The following KHDRBS3 variants were observed in gnomAD, a reference collection of about 807,000 sequenced individuals.
The protein encoded by KHDRBS3 is KH domain-containing, RNA-binding, signal transduction-associated protein 3.
KHDRBS3 carries 23 observed loss-of-function variants against 45.6 expected under a neutral mutation model. That is an observed-to-expected ratio of 0.50 (90% CI 0.36 to 0.72). The LOEUF (loss-of-function observed/expected upper bound fraction) is 0.72, where lower values mean the gene tolerates loss of function less well. KHDRBS3 is among the 30% of genes least tolerant of loss of function. The probability of loss-of-function intolerance (pLI) is 0.00; values close to 1 mark genes in which losing one functional copy is unlikely to be tolerated. For missense variants in KHDRBS3, 352 were observed against 424.8 expected (o/e 0.83, Z 1.51); for synonymous variants, 162 against 156.5 (o/e 1.04, Z -0.26).
At chr8:135,480,858 A>G (rs377227490) in intron 1 of KHDRBS3, among the ~76,000 whole-genome samples, 13 of 152,188 alleles carry the variant, frequency 8.5e-5, no homozygotes, top group East Asian at 3.9e-4. Context: ...ATGTCATCAT[A>G]TTGTTAACTG....
At chr8:135,465,598 T>C (rs374997781) in intron 1 of KHDRBS3, among the ~76,000 whole-genome samples, 13 of 152,344 alleles carry the variant, frequency 8.5e-5, no homozygotes, top group East Asian at 3.9e-4. Context: ...ACACAGCACC[T>C]GAAGCTTAAA....
chr8:135,612,861 A>T (rs1169846022), intron 7 of KHDRBS3, among the ~76,000 whole-genome samples: 1 of 151,864 alleles, frequency 6.6e-6, no homozygotes, highest in Non-Finnish European at 1.5e-5. Context: ...TAAAACTCAC[A>T]CCACATTCCA....
Position 135,548,870 on chromosome 8 carries a change from T to C in KHDRBS3, c.441T>C (p.Ala147=). 6.3e-7 allele frequency: 1 copy of C among 1,595,170 alleles called. No homozygotes were observed. The highest frequency in any genetic ancestry group is 8.5e-7 in the Non-Finnish European group (1 of 1,172,192). ...PAEAYARMGH[A]LEEIKKFLIP... ...AAGCTTATGCCAGGATGGGACATGCTTTGGAAGAAATCAAAAAGTTCCTCA... is the reference window on the plus strand; with the variant it reads ...AAGCTTATGCCAGGATGGGACATGCCTTGGAAGAAATCAAAAAGTTCCTCA... Residue 147 remains alanine (A), a synonymous_variant, in exon 4 of 9, where the codon GCT becomes GCC. Transcript: ENST00000355849.
At position 135,491,185 on chromosome 8, in the gene KHDRBS3, G is replaced by T. The variant is rs1001130287; in HGVS notation, c.89-30052G>T. 3.3e-5 allele frequency among the ~76,000 whole-genome samples: 5 copies of T among 151,980 alleles called. 1 individual carries two copies. The East Asian group carries it at 9.6e-4, about 29-fold the overall frequency. ...CAAATAATTGTGAACTTTGGAGTTGGGTTTTTTTGTATGTGTTTCTATGCC... is the reference window on the plus strand; with the variant it reads ...CAAATAATTGTGAACTTTGGAGTTGTGTTTTTTTGTATGTGTTTCTATGCC... On this transcript the variant is annotated intron_variant, in intron 1 of 8. Coordinates refer to ENST00000355849, the MANE Select transcript of KHDRBS3 (RefSeq NM_006558.3).
intron 5 of KHDRBS3, among the ~76,000 whole-genome samples, chr8:135,566,724 A>C (rs1827436365): frequency 6.6e-6 from 1 of 152,088 alleles, no homozygotes; most frequent in African/African-American, 2.4e-5. Flanking sequence ...AAATCAGCCG[A>C]GTGTGGTGGC....
intron 7 of KHDRBS3, chr8:135,625,517 C>G: frequency 1.2e-6 from 1 of 827,242 alleles, no homozygotes; most frequent in Non-Finnish European, 2.1e-6. Context: ...AGCTGCACTG[C>G]TAGAACTGAG....
intron 2 of KHDRBS3, chr8:135,540,198 G>C (rs1423136566): frequency 6.6e-6 from 1 of 152,150 alleles, no homozygotes; most frequent in Non-Finnish European, 1.5e-5. Context: ...GACAACAATA[G>C]GCAAATGATG....
chr8:135,646,893 T>C, intron 8 of KHDRBS3, 100 bp from the exon 9 acceptor site: 2 of 663,286 alleles, frequency 3.0e-6, no homozygotes, highest in Admixed American at 4.7e-5. Flanking sequence ...ATTTTCAATA[T>C]GACATGTACC....
At chr8:135,635,674 C>T (rs4909496) in intron 7 of KHDRBS3, among the ~76,000 whole-genome samples, 59,838 of 152,090 alleles carry the variant, frequency 0.39, 12,838 homozygotes, top group South Asian at 0.53. Context: ...TGAGCCACTG[C>T]ACCCGGCCTG....
intron 7 of KHDRBS3, among the ~76,000 whole-genome samples, chr8:135,612,144 G>A (rs1009383553): frequency 2.0e-5 from 3 of 151,838 alleles, no homozygotes; most frequent in East Asian, 1.9e-4. Flanking sequence ...AAATCACCTC[G>A]GTGCCAAAAC....
intron 7 of KHDRBS3, among the ~76,000 whole-genome samples, chr8:135,624,758 T>A (rs1007962634): frequency 3.9e-5 from 6 of 152,246 alleles, no homozygotes; most frequent in African/African-American, 1.4e-4. Context: ...TATTTTGAAA[T>A]ATGGAAGCAT....
chr8:135,550,891 T>A (rs530608449), intron 4 of KHDRBS3, among the ~76,000 whole-genome samples: 55 of 152,304 alleles, frequency 3.6e-4, no homozygotes, highest in South Asian at 1.0e-3. Context: ...AAAGATATTT[T>A]AAAATTTTTC....
intron 8 of KHDRBS3, among the ~76,000 whole-genome samples, chr8:135,645,992 A>ATTTTTTTTTTTTTTTTTTTTTT (rs57082119): frequency 9.9e-6 from 1 of 100,688 alleles, no homozygotes. Context: ...TGCACCTTGG[A>ATTTTTTTTTTTTTTTTTTTTTT]TTTTTTTTTT....
intron 1 of KHDRBS3, among the ~76,000 whole-genome samples, chr8:135,489,640 T>G (rs12114610): frequency 0.013 from 1,956 of 152,182 alleles, 32 homozygotes; most frequent in African/African-American, 0.045. Context: ...ATTGCGCCAC[T>G]GCACTCTATC....
chr8:135,584,936 T>C (rs1828392491), intron 6 of KHDRBS3, among the ~76,000 whole-genome samples: 2 of 152,056 alleles, frequency 1.3e-5, no homozygotes, highest in South Asian at 4.1e-4. Flanking sequence ...AATTTTTTTA[T>C]GTTGGGCTCG....
intron 3 of KHDRBS3, among the ~76,000 whole-genome samples, chr8:135,543,628 T>C (rs916934701): frequency 1.3e-5 from 2 of 152,202 alleles, no homozygotes; most frequent in Non-Finnish European, 2.9e-5. Context: ...TCAGGCGCTG[T>C]GTGAAACATG....
At chr8:135,543,847 C>T (rs1243918951) in intron 3 of KHDRBS3, among the ~76,000 whole-genome samples, 2 of 152,158 alleles carry the variant, frequency 1.3e-5, no homozygotes, top group African/African-American at 2.4e-5. Context: ...GAAAACATGA[C>T]ATGTTTCAGA....
chr8:135,510,488 G>A (rs375852012), intron 1 of KHDRBS3, among the ~76,000 whole-genome samples: 8 of 152,156 alleles, frequency 5.3e-5, no homozygotes, highest in African/African-American at 1.9e-4. Flanking sequence ...AGGCTGGAGT[G>A]CAGTGGCGTA....
chr8:135,557,058 G>A (rs1826923002), intron 4 of KHDRBS3, among the ~76,000 whole-genome samples: 1 of 152,228 alleles, frequency 6.6e-6, no homozygotes, highest in East Asian at 1.9e-4. Flanking sequence ...CTGGGCTATG[G>A]CTTAATTCCT....
Sources: allele counts gnomAD v4.1 joint callset (sites outside exome capture counted in the v4.1 genomes callset), GRCh38; gene constraint gnomAD v4.1.1; transcripts MANE v1.5; gene names NCBI Gene and HGNC (gene_info 2026-07-23, HGNC 2026-07-21).